The following MAF variants were observed in gnomAD, a reference collection of about 807,000 sequenced individuals.
MAF encodes MAF bZIP transcription factor.
A neutral mutation model predicts 22.0 loss-of-function variants in MAF; 10 were observed. That is an observed-to-expected ratio of 0.45 (90% CI 0.28 to 0.77). MAF has a LOEUF of 0.77. Among genes scored for constraint, MAF ranks in the 30% least tolerant of loss-of-function variants. MAF has a pLI of 0.12. For missense variants in MAF, 544 were observed against 548.4 expected, an observed-to-expected ratio of 0.99 and a Z score of 0.08; for synonymous variants, 337 against 255.8, an observed-to-expected ratio of 1.32 and a Z score of -3.03.
chr16:79,526,031 G>A, the MAF span, among the ~76,000 whole-genome samples: 1 of 152,168 alleles, frequency 6.6e-6, no homozygotes, highest in Non-Finnish European at 1.5e-5. Flanking sequence ...CTTAATTTAC[G>A]AGTAAGAATA....
chr16:79,222,224 A>G, the MAF span, among the ~76,000 whole-genome samples: 2 of 152,228 alleles, frequency 1.3e-5, no homozygotes, highest in African/African-American at 4.8e-5. Context: ...AGGATTTCAT[A>G]TCCAGCCAAA....
chr16:79,577,152 C>T, the MAF span, among the ~76,000 whole-genome samples: 1 of 152,060 alleles, frequency 6.6e-6, no homozygotes, highest in African/African-American at 2.4e-5. Flanking sequence ...GTTTTCAGAG[C>T]CGGAGGGGTC....
the MAF span, among the ~76,000 whole-genome samples, chr16:79,385,835 G>A: frequency 6.6e-6 from 1 of 152,140 alleles, no homozygotes; most frequent in Admixed American, 6.5e-5. Flanking sequence ...TGTGTCCAGA[G>A]GTTGGAGGTT....
At chr16:79,596,782 G>A (rs1030715951) in intron 1 of MAF, 11 of 1,046,292 alleles carry the variant, frequency 1.1e-5, no homozygotes, top group Non-Finnish European at 1.2e-5. Context: ...ATCCAGTTCT[G>A]CACCACAATA....
the MAF span, among the ~76,000 whole-genome samples, chr16:79,416,062 A>G: frequency 2.0e-5 from 3 of 152,108 alleles, no homozygotes; most frequent in African/African-American, 7.2e-5. Context: ...GTCTCCTACC[A>G]GCAGCACTGA....
the MAF span, among the ~76,000 whole-genome samples, chr16:79,452,871 A>G: frequency 1.3e-5 from 2 of 152,302 alleles, no homozygotes; most frequent in East Asian, 3.9e-4. Flanking sequence ...GCGAGATGAA[A>G]GAACCTGTGC....
the MAF span, among the ~76,000 whole-genome samples, chr16:79,390,406 C>G: frequency 2.6e-5 from 4 of 152,306 alleles, no homozygotes; most frequent in South Asian, 2.1e-4. Flanking sequence ...TGGCTGACCT[C>G]TAAATGAAAT....
the MAF span, among the ~76,000 whole-genome samples, chr16:79,217,873 A>G: frequency 6.6e-6 from 1 of 151,954 alleles, no homozygotes; most frequent in Non-Finnish European, 1.5e-5. Context: ...TTTGAACTCC[A>G]GTGAAGGAGG....
At chr16:79,220,997 G>C in the MAF span, among the ~76,000 whole-genome samples, 1 of 152,194 alleles carries the variant, frequency 6.6e-6, no homozygotes, top group Non-Finnish European at 1.5e-5. Flanking sequence ...CATTGTGTCA[G>C]CGAAATAAAA....
the MAF span, among the ~76,000 whole-genome samples, chr16:79,423,666 A>G: frequency 6.6e-6 from 1 of 152,200 alleles, no homozygotes; most frequent in Non-Finnish European, 1.5e-5. Flanking sequence ...CACAAAACCT[A>G]ATATATTTGC....
chr16:79,338,059 C>T, the MAF span, among the ~76,000 whole-genome samples: 1 of 152,116 alleles, frequency 6.6e-6, no homozygotes, highest in Admixed American at 6.6e-5. Context: ...TTTGAGGAGC[C>T]CATAGTCCAA....
chr16:79,467,427 T>C, the MAF span, among the ~76,000 whole-genome samples: 20 of 152,156 alleles, frequency 1.3e-4, no homozygotes, highest in Non-Finnish European at 2.8e-4. Flanking sequence ...TGCTGGGTGT[T>C]TTGCAGGCAT....
chr16:79,378,519 GTATGT>G, the MAF span, among the ~76,000 whole-genome samples: 3 of 152,022 alleles, frequency 2.0e-5, no homozygotes, highest in Non-Finnish European at 2.9e-5. Context: ...GCATTTTTCT[GTATGT>G]TATATGTTAC....
the MAF span, among the ~76,000 whole-genome samples, chr16:79,534,573 A>G: frequency 1.2e-3 from 152 of 126,302 alleles, 1 homozygote; most frequent in African/African-American, 4.3e-3. Context: ...AACATCACAC[A>G]CCGGGGCCTG....
At chr16:79,419,111 TC>T in the MAF span, among the ~76,000 whole-genome samples, 11 of 152,088 alleles carry the variant, frequency 7.2e-5, no homozygotes, top group Admixed American at 6.6e-4. Flanking sequence ...CGAATTAACT[TC>T]CCCCCTCAGG....
Position 79,594,223 on chromosome 16 carries a change from C to G in MAF, c.*237G>C. 1 of 507,688 alleles carries G rather than the reference C, an allele frequency of 2.0e-6. No homozygotes were observed. The allele number at this position is 507,688 out of a possible 1,614,324, so 31.4% of individuals were successfully genotyped here. ...AGTATGGCAGGTTGAAAGCAATGCA[C>G]CTGTTTACTTGCACACACCATAAAT... On this transcript the variant is annotated 3_prime_UTR_variant, in exon 2 of 2. Transcript: ENST00000326043.
chr16:79,594,376 G>C lies in MAF; in HGVS notation c.*84C>G. On this transcript the variant is annotated 3_prime_UTR_variant, in exon 2 of 2. Transcript: ENST00000326043. ...TTTTATTTAAAAAGGAGACTAAACAGAAGTCAGGGGTAGGTGGTTCTCCAT... is the reference window on the plus strand; with the variant it reads ...TTTTATTTAAAAAGGAGACTAAACACAAGTCAGGGGTAGGTGGTTCTCCAT... The C allele has an allele frequency of 3.3e-6, 4 of 1,197,386 alleles. No individual in the cohort carries two copies. Among genetic ancestry groups the C allele is most frequent in the Non-Finnish European group, 4.8e-6 (4 of 825,640 alleles). The allele number at this position is 1,197,386 out of a possible 1,614,324, so 74.2% of individuals were successfully genotyped here.
the MAF span, among the ~76,000 whole-genome samples, chr16:79,457,680 T>C: frequency 6.6e-6 from 1 of 152,090 alleles, no homozygotes; most frequent in Non-Finnish European, 1.5e-5. Flanking sequence ...TAGGAAGACA[T>C]GTTACAGAAT....
chr16:79,269,988 C>T, the MAF span, among the ~76,000 whole-genome samples: 5 of 152,124 alleles, frequency 3.3e-5, no homozygotes, highest in African/African-American at 1.2e-4. Context: ...GCATTGGTTT[C>T]ATTCCAGAAA....
Sources: gnomAD v4.1 joint callset for allele counts (sites outside exome capture counted in the v4.1 genomes callset) on GRCh38, gnomAD v4.1.1 for gene constraint, MANE v1.5 for transcripts, NCBI Gene and HGNC (gene_info 2026-07-23, HGNC 2026-07-21) for gene names.